Variants in C12orf43 observed in about 807,000 individuals in gnomAD.
The protein encoded by C12orf43 is chromosome 12 open reading frame 43.
Under a neutral mutation model 20.6 loss-of-function variants are expected in C12orf43, and 15 were observed. That is an observed-to-expected ratio of 0.73 (90% CI 0.49 to 1.12). The LOEUF (loss-of-function observed/expected upper bound fraction) is 1.12. Ranked by LOEUF, C12orf43 falls within the 50% of genes most tolerant of loss-of-function variation. C12orf43 has a pLI of 0.00. For synonymous variants in C12orf43, 144 were observed against 130.8 expected (o/e 1.10, Z -0.69); for missense variants, 334 against 344.4 (o/e 0.97, Z 0.24).
At position 121,008,140 on chromosome 12, in the gene C12orf43, C is replaced by CT. The variant is rs113318712; in HGVS notation, c.288-1747dup. Among the ~76,000 whole-genome samples the CT allele has an allele frequency of 1.5e-3, 214 of 145,676 alleles. 1 individual carries two copies. Among genetic ancestry groups the CT allele is most frequent in the South Asian group, 6.8e-3 (31 of 4,590 alleles). ...CCAAATGCAGTATCATTTACATTTC[C>CT]TTTTTTTTTTTTGAGATGGGATCTC... On this transcript the variant is annotated intron_variant, in intron 3 of 5. Transcript: ENST00000288757.
In C12orf43 at chr12:121,005,063, C is replaced by T; in HGVS notation, c.392G>A (p.Gly131Glu). 2 of 1,484,128 alleles carry T rather than the reference C, an allele frequency of 1.3e-6. No homozygotes were observed. Among genetic ancestry groups the T allele is most frequent in the African/African-American group, 2.8e-5 (2 of 70,974 alleles). 91.9% of individuals were successfully genotyped at this position (1,484,128 alleles called of 1,614,324 possible). ...GFRLFFTSVP[G>E]GREKEESPQP... ...GGGAGACTCTTCCTTCTCACGGCCT[C>T]CAGGGACAGATGTGAAGAAAAGGCG... is the stretch of plus-strand genomic sequence containing the variant. The change falls in exon 5 of 6, where the codon GGA becomes GAA. Residue 131 changes from glycine (G) to glutamate (E), a missense_variant. Physicochemically the swap from Gly to Glu is moderately conservative, Grantham distance 98. Coordinates refer to ENST00000288757, the MANE Select transcript of C12orf43 (RefSeq NM_022895.3). The surrounding 1 kb of genome is among the most constrained non-coding windows in gnomAD (Gnocchi z 5.6).
chr12:121,013,320 A>C (rs1205820673), intron 1 of C12orf43, among the ~76,000 whole-genome samples: 1 of 152,198 alleles, frequency 6.6e-6, no homozygotes, highest in East Asian at 1.9e-4. Context: ...ACCGTCAGGG[A>C]ACAGAAACAG....
Position 121,000,850 on chromosome 12 carries a change from G to A in C12orf43, c.*3303C>T, listed in dbSNP as rs1877411439. 3 of 615,358 alleles carry A rather than the reference G, an allele frequency of 4.9e-6. No individual in the cohort carries two copies. The highest frequency in any genetic ancestry group is 8.8e-6 in the Non-Finnish European group (3 of 342,194). 38.1% of individuals were successfully genotyped at this position (615,358 alleles called of 1,614,324 possible). A position where few individuals can be genotyped will look rare whatever the true frequency, so the allele number is the denominator to read the frequency against. On this transcript the variant is annotated 3_prime_UTR_variant, in exon 6 of 6. Coordinates refer to ENST00000288757, the MANE Select transcript of C12orf43 (RefSeq NM_022895.3). ...GGGGCTTCTCCAGTGTTCACACTAA[G>A]ATGTACTCAGGCCACTCCATGGGCG...
At chr12:121,015,733 A>C (rs927484229) in intron 1 of C12orf43, among the ~76,000 whole-genome samples, 1 of 152,236 alleles carries the variant, frequency 6.6e-6, no homozygotes, top group Non-Finnish European at 1.5e-5. Context: ...TTCTGTTGGG[A>C]TAAAGTAACG....
At position 121,003,043 on chromosome 12, in the gene C12orf43, T is replaced by C. The variant is rs78545945; in HGVS notation, c.*1110A>G. ...TCTTTTTCTTTTTCTTTTTTTTTTT[T>C]TGAGATAGGGTCTTGCTCCATTGCT... On this transcript the variant is annotated 3_prime_UTR_variant, in exon 6 of 6. Coordinates refer to ENST00000288757, the MANE Select transcript of C12orf43 (RefSeq NM_022895.3). The C allele has an allele frequency of 2.6e-5, 4 of 151,452 alleles. No homozygotes were observed. The highest frequency in any genetic ancestry group is 9.7e-5 in the African/African-American group (4 of 41,184). The allele number at this position is 151,452 out of a possible 1,614,324, so 9.4% of individuals were successfully genotyped here.
In C12orf43 at chr12:121,005,217, T is replaced by G. The variant is rs897157845; in HGVS notation, c.362-124A>C. The G allele has an allele frequency of 3.8e-4, 149 of 388,884 alleles. No homozygotes were observed. The highest frequency in any genetic ancestry group is 5.3e-4 in the Non-Finnish European group (126 of 236,542). The allele number at this position is 388,884 out of a possible 1,614,324, so 24.1% of individuals were successfully genotyped here. A position where few individuals can be genotyped will look rare whatever the true frequency, so the allele number is the denominator to read the frequency against. ...AAAGGAAAACGAAAGAAAGAAAAGATAAAGAGAAACAAAAAAAAAATTTTA... is the reference window on the plus strand; with the variant it reads ...AAAGGAAAACGAAAGAAAGAAAAGAGAAAGAGAAACAAAAAAAAAATTTTA... On this transcript the variant is annotated intron_variant, in intron 4 of 5. Transcript: ENST00000288757. The surrounding 1 kb of genome is among the most constrained non-coding windows in gnomAD (Gnocchi z 5.6).
rs1877879431 is a variant in C12orf43, at chr12:121,005,074, T to G, written c.381A>C (p.Thr127=). The G allele has an allele frequency of 6.9e-7, 1 of 1,448,306 alleles. No individual in the cohort carries two copies. The highest frequency in any genetic ancestry group is 9.2e-7 in the Non-Finnish European group (1 of 1,089,728). The allele number at this position is 1,448,306 out of a possible 1,614,324, so 89.7% of individuals were successfully genotyped here. Residue 127 remains threonine (T), a synonymous_variant, in exon 5 of 6, where the codon ACA becomes ACC. Transcript: ENST00000288757. The surrounding 1 kb of genome is among the most constrained non-coding windows in gnomAD (Gnocchi z 5.6). ...LEDDGFRLFF[T]SVPGGREKEE... is the part of the protein sequence containing the mutation. The stretch of plus-strand genomic sequence containing the variant: ...CCTTCTCACGGCCTCCAGGGACAGA[T>G]GTGAAGAAAAGGCGGAAACCTAAGA...
chr12:121,012,635 G>A (rs1175759795), intron 1 of C12orf43: 24 of 553,852 alleles, frequency 4.3e-5, no homozygotes, highest in African/African-American at 3.0e-4. Context: ...GGCGGATCAC[G>A]AGGTCAAGAG....
chr12:121,016,191 C>A, intron 1 of C12orf43, 139 bp downstream of exon 1: 1 of 1,314,614 alleles, frequency 7.6e-7, no homozygotes, highest in East Asian at 2.4e-5. Flanking sequence ...TGCTTTCAAT[C>A]TGCACTACAC....
intron 1 of C12orf43, among the ~76,000 whole-genome samples, chr12:121,012,156 G>A (rs188867350): frequency 7.9e-5 from 12 of 152,324 alleles, no homozygotes; most frequent in African/African-American, 2.9e-4. Flanking sequence ...AGATTTGAGA[G>A]AGGAGAGGGA....
chr12:121,012,394 G>C (rs1165664009), intron 1 of C12orf43: 2 of 702,356 alleles, frequency 2.8e-6, no homozygotes, highest in African/African-American at 1.7e-5. Context: ...AGGAGGAGGA[G>C]CTCTGGAAAT....
intron 3 of C12orf43, among the ~76,000 whole-genome samples, 171 bp downstream of exon 3, chr12:121,010,657 T>C (rs766861538): frequency 6.6e-6 from 1 of 152,160 alleles, no homozygotes; most frequent in Non-Finnish European, 1.5e-5. Flanking sequence ...ACCTGGAGGA[T>C]AAAGGTAACA....
chr12:121,001,305 C>G lies in C12orf43; in HGVS notation c.*2848G>C. The G allele has an allele frequency of 7.6e-7, 1 of 1,316,794 alleles. No homozygotes were observed. Among genetic ancestry groups the G allele is most frequent in the Non-Finnish European group, 1.1e-6 (1 of 942,546 alleles). 81.6% of individuals were successfully genotyped at this position (1,316,794 alleles called of 1,614,324 possible). A position where few individuals can be genotyped will look rare whatever the true frequency, so the allele number is the denominator to read the frequency against. ...CCGAGCAACCGTGGCCCTTCCTGGACAGCTGTGCCTCGCTCCCCACTCTGC... is the reference window on the plus strand; with the variant it reads ...CCGAGCAACCGTGGCCCTTCCTGGAGAGCTGTGCCTCGCTCCCCACTCTGC... On this transcript the variant is annotated 3_prime_UTR_variant, in exon 6 of 6. Transcript: ENST00000288757.
intron 4 of C12orf43, chr12:121,006,075 G>T: frequency 2.2e-6 from 1 of 447,936 alleles, no homozygotes; most frequent in Non-Finnish European, 4.0e-6. Flanking sequence ...AATTAGCCAG[G>T]GGTGGTGGTG....
At chr12:121,011,436 CTTAG>C (rs1236788547) in intron 1 of C12orf43, among the ~76,000 whole-genome samples, 1 of 146,638 alleles carries the variant, frequency 6.8e-6, no homozygotes, top group East Asian at 2.0e-4. Flanking sequence ...ATATATATAA[CTTAG>C]TTATATATAT....
chr12:121,002,353 GGGCCTGCTGCTGAGAACCT>G lies in C12orf43; in HGVS notation c.*1781_*1799del, dbSNP rs1877556660. On this transcript the variant is annotated 3_prime_UTR_variant, in exon 6 of 6. Transcript: ENST00000288757. ...AGGACAAGCATGGTCCCACATCCCT[GGGCCTGCTGCTGAGAACCT>G]GGCCTTCAGTGTACCGCGTCTACCC... 4.1e-6 allele frequency: 2 copies of G among 486,306 alleles called. No homozygotes were observed. Among genetic ancestry groups the G allele is most frequent in the Non-Finnish European group, 7.9e-6 (2 of 253,760 alleles). 30.1% of individuals were successfully genotyped at this position (486,306 alleles called of 1,614,324 possible).
chr12:121,012,430 C>A (rs1245635830), intron 1 of C12orf43: 2 of 702,610 alleles, frequency 2.8e-6, no homozygotes, highest in Non-Finnish European at 5.2e-6. Flanking sequence ...ATAAACTGAC[C>A]TGGGTTTTGA....
intron 2 of C12orf43, 49 bp from the exon 3 acceptor site, chr12:121,010,975 C>A: frequency 6.2e-7 from 1 of 1,603,008 alleles, no homozygotes. Flanking sequence ...CAGAAGCTGT[C>A]CCCATGAGCA....
rs570675601 is a variant in C12orf43, at chr12:121,012,768, C to T, written c.146-1622G>A. ...TTGAGAAGCTGAGGCAGGAGAATCG[C>T]TCGAACCCAGGAGGCGGAGGTTGCA... is the stretch of plus-strand genomic sequence containing the variant. On this transcript the variant is annotated intron_variant, in intron 1 of 5. Coordinates refer to ENST00000288757, the MANE Select transcript of C12orf43 (RefSeq NM_022895.3). The T allele has an allele frequency of 3.5e-5, 9 of 253,570 alleles. 1 individual carries two copies. The East Asian group carries it at 9.6e-4, about 27-fold the overall frequency. 15.7% of individuals were successfully genotyped at this position (253,570 alleles called of 1,614,324 possible).
Sources: gnomAD v4.1 joint callset for allele counts (sites outside exome capture counted in the v4.1 genomes callset) on GRCh38, gnomAD v4.1.1 for gene constraint, Gnocchi (gnomAD v3.1) non-coding constraint, MANE v1.5 for transcripts, NCBI Gene and HGNC (gene_info 2026-07-23, HGNC 2026-07-21) for gene names.